Variants in KDM3B observed in about 807,000 individuals in gnomAD.
KDM3B encodes lysine-specific demethylase 3B.
A neutral mutation model predicts 170.0 loss-of-function variants in KDM3B; 10 were observed. That is an observed-to-expected ratio of 0.06 (90% CI 0.04 to 0.10). The LOEUF (loss-of-function observed/expected upper bound fraction) is 0.10. Ranked by LOEUF, KDM3B falls within the 10% of genes least tolerant of loss-of-function variation. KDM3B has a pLI of 1.00. For synonymous variants in KDM3B, 831 were observed against 834.8 expected (o/e 1.00, Z 0.08); for missense variants, 1,394 against 2,195.2 (o/e 0.64, Z 7.29).
At chr5:138,386,669 G>A (rs201801608) in intron 7 of KDM3B, 48 bp downstream of exon 7, 8 of 1,571,842 alleles carry the variant, frequency 5.1e-6, no homozygotes, top group South Asian at 2.4e-5. Flanking sequence ...TTACTCTTTC[G>A]CCCTCCTTTA....
chr5:138,386,615 G>T lies in KDM3B; in HGVS notation c.1374G>T (p.Ser458=), dbSNP rs745953070. Residue 458 remains serine, a synonymous_variant, in exon 7 of 24, where the codon TCG becomes TCT. Coordinates refer to ENST00000314358, the MANE Select transcript of KDM3B (RefSeq NM_016604.4). Reference sequence around the variant, plus strand: ...AGAAAGGCAGCCGGTCGCAGGCCTCGGGAGAGGTGAGTTACTTCAGGGGCA... The same window carrying T: ...AGAAAGGCAGCCGGTCGCAGGCCTCTGGAGAGGTGAGTTACTTCAGGGGCA... ...EKQKGSRSQA[S]GENSRNSILA... 5 of 1,608,938 alleles carry T rather than the reference G, an allele frequency of 3.1e-6. No individual in the cohort carries two copies. In the African/African-American group the frequency reaches 6.7e-5, roughly 22 times the overall value.
chr5:138,353,063 AG>A, intron 1 of KDM3B, 76 bp downstream of exon 1: 3 of 171,296 alleles, frequency 1.8e-5, no homozygotes, highest in Non-Finnish European at 2.3e-5. Flanking sequence ...GGCCTTTGTG[AG>A]GGGGCGGTGG....
In KDM3B at chr5:138,427,963, T is replaced by C; in HGVS notation, c.4634-4T>C. On this transcript the variant is annotated splice_region_variant and splice_polypyrimidine_tract_variant and intron_variant, in intron 19 of 23. Coordinates refer to ENST00000314358, the MANE Select transcript of KDM3B (RefSeq NM_016604.4). ...CACCTTGCATATTTTCCTTTCTCCT[T>C]TAGGGTTGATAACAGCAGAAGATAG... 6.2e-7 allele frequency: 1 copy of C among 1,611,348 alleles called. No individual in the cohort carries two copies. The highest frequency in any genetic ancestry group is 8.5e-7 in the Non-Finnish European group (1 of 1,178,518).
chr5:138,375,516 T>C (rs960415541), intron 3 of KDM3B, among the ~76,000 whole-genome samples: 1 of 151,966 alleles, frequency 6.6e-6, no homozygotes, highest in Non-Finnish European at 1.5e-5. Context: ...TAGCTGGGAC[T>C]ACAGGCGCCT....
rs1417992608 is a variant in KDM3B at position 138,436,095 on chromosome 5, A to T, written c.*395A>T. On this transcript the variant is annotated 3_prime_UTR_variant, in exon 24 of 24. Coordinates refer to ENST00000314358, the MANE Select transcript of KDM3B (RefSeq NM_016604.4). ...AGATAGGGGAAATCACATAACTGGTACAAGTATGGGGTAATTGCTTAAACA... is the reference window on the plus strand; with the variant it reads ...AGATAGGGGAAATCACATAACTGGTTCAAGTATGGGGTAATTGCTTAAACA... The T allele has an allele frequency of 9.1e-6, 2 of 219,192 alleles. No individual in the cohort carries two copies. Among genetic ancestry groups the T allele is most frequent in the Non-Finnish European group, 1.8e-5 (2 of 109,246 alleles). The allele number at this position is 219,192 out of a possible 1,614,324, so 13.6% of individuals were successfully genotyped here.
intron 9 of KDM3B, among the ~76,000 whole-genome samples, chr5:138,396,608 A>T (rs1291307013): frequency 6.6e-6 from 1 of 152,118 alleles, no homozygotes; most frequent in Non-Finnish European, 1.5e-5. Context: ...GTAGTAGGAG[A>T]TACTGGCCTT....
At chr5:138,415,646 C>G (rs1025709669) in intron 12 of KDM3B, among the ~76,000 whole-genome samples, 1 of 151,326 alleles carries the variant, frequency 6.6e-6, no homozygotes, top group African/African-American at 2.4e-5. Flanking sequence ...GACGGAGTCC[C>G]AATATGTTGC....
chr5:138,420,942 G>A lies in KDM3B; in HGVS notation c.3952G>A (p.Val1318Ile). ...PLDTGIPFPP[V>I]FSTSSAGVKS... ...GGACACAGGCATACCCTTTCCCCCG[G>A]TCTTCTCTACATCCTCAGCAGTAAG... The change falls in exon 15 of 24, where the codon GTC (valine) becomes ATC (isoleucine). Residue 1318 changes from valine (V) to isoleucine (I), a missense_variant. Coordinates refer to ENST00000314358, the MANE Select transcript of KDM3B (RefSeq NM_016604.4). 6.2e-7 allele frequency: 1 copy of A among 1,613,932 alleles called. No individual in the cohort carries two copies. The highest frequency in any genetic ancestry group is 8.5e-7 in the Non-Finnish European group (1 of 1,179,878).
At position 138,391,669 on chromosome 5, in the gene KDM3B, C is replaced by T; in HGVS notation, c.2037C>T (p.Ser679=). The change falls in exon 8 of 24, where the codon TCC becomes TCT. Residue 679 remains serine (S), a synonymous_variant. Coordinates refer to ENST00000314358, the MANE Select transcript of KDM3B (RefSeq NM_016604.4). The surrounding 1 kb of genome is among the most constrained non-coding windows in gnomAD (Gnocchi z 5.0). ...KVAPSWPESH[S]SADSASLAKK... ...CACCCAGCTGGCCCGAGTCTCACTC[C>T]TCTGCAGATTCGGCATCTTTAGCAA... 6.2e-7 allele frequency: 1 copy of T among 1,614,104 alleles called. No homozygotes were observed. Among genetic ancestry groups the T allele is most frequent in the Non-Finnish European group, 8.5e-7 (1 of 1,180,028 alleles).
rs997551276 is a variant in KDM3B at position 138,415,359 on chromosome 5, C to A, written c.3307+120C>A. On this transcript the variant is annotated intron_variant, in intron 12 of 23. Coordinates refer to ENST00000314358, the MANE Select transcript of KDM3B (RefSeq NM_016604.4). Reference sequence around the variant, plus strand: ...TTTTCTTTTAAGCATCATCAGATTTCTCTGAGAATTTGGATCTTTATTATT... The same window carrying A: ...TTTTCTTTTAAGCATCATCAGATTTATCTGAGAATTTGGATCTTTATTATT... 7.2e-5 allele frequency: 39 copies of A among 543,152 alleles called. 1 individual carries two copies. Among genetic ancestry groups the A allele is most frequent in the African/African-American group, 5.6e-4 (30 of 53,130 alleles). 33.6% of individuals were successfully genotyped at this position (543,152 alleles called of 1,614,324 possible).
chr5:138,420,675 C>T, intron 14 of KDM3B, 31 bp from the exon 15 acceptor site: 2 of 1,611,324 alleles, frequency 1.2e-6, no homozygotes, highest in Non-Finnish European at 8.5e-7. Flanking sequence ...CCTTTTTGTA[C>T]CTAATGCTGT....
At chr5:138,427,364 CT>C (rs1475589187) in intron 19 of KDM3B, 45 bp downstream of exon 19, 1 of 1,578,620 alleles carries the variant, frequency 6.3e-7, no homozygotes, top group Non-Finnish European at 8.7e-7. Flanking sequence ...GACTGTTGTT[CT>C]TATTTCAACT....
intron 11 of KDM3B, among the ~76,000 whole-genome samples, chr5:138,400,979 A>T (rs1408913477): frequency 5.3e-5 from 8 of 151,736 alleles, no homozygotes; most frequent in African/African-American, 1.9e-4. Context: ...GACATGTCAT[A>T]AAAATAGAAT....
rs1432769986 is a variant in KDM3B at position 138,352,786 on chromosome 5, G to A, written c.-10G>A. ...GGCGGGCGGGAGCGCGGGTCAGGCC[G>A]GCCCCGGCGATGGCGGACGCGGCGG... On this transcript the variant is annotated 5_prime_UTR_variant, in exon 1 of 24. Coordinates refer to ENST00000314358, the MANE Select transcript of KDM3B (RefSeq NM_016604.4). 26 of 1,268,320 alleles carry A rather than the reference G, an allele frequency of 2.0e-5. No homozygotes were observed. The highest frequency in any genetic ancestry group is 2.3e-5 in the Non-Finnish European group (23 of 1,008,558). 78.6% of individuals were successfully genotyped at this position (1,268,320 alleles called of 1,614,324 possible).
chr5:138,397,713 T>C (rs908875178), intron 9 of KDM3B, among the ~76,000 whole-genome samples: 1 of 151,678 alleles, frequency 6.6e-6, no homozygotes, highest in Non-Finnish European at 1.5e-5. Context: ...ATACAAAAAT[T>C]AGCTGGGCAT....
intron 22 of KDM3B, 100 bp from the exon 23 acceptor site, chr5:138,431,325 C>T: frequency 1.0e-6 from 1 of 970,232 alleles, no homozygotes; most frequent in Non-Finnish European, 1.5e-6. Context: ...AATATTATAC[C>T]TATTTCTCAA....
chr5:138,426,481 A>G (rs529551492), intron 17 of KDM3B, among the ~76,000 whole-genome samples: 26 of 151,092 alleles, frequency 1.7e-4, no homozygotes, highest in Middle Eastern at 3.5e-3. Flanking sequence ...AGGCTGAGCC[A>G]GGAGAATGGC....
rs77331590 is a variant in KDM3B at position 138,361,240 on chromosome 5, C to T, written c.192+8253C>T. 1.2e-3 allele frequency among the ~76,000 whole-genome samples: 177 copies of T among 152,260 alleles called. 1 individual carries two copies. The highest frequency in any genetic ancestry group is 4.2e-3 in the African/African-American group (175 of 41,554). On this transcript the variant is annotated intron_variant, in intron 1 of 23. Transcript: ENST00000314358. Reference sequence around the variant, plus strand: ...ATCCCTACTGCCCCTGGTGCGAAAGCATCATCTTTTGCTCTTGATCTCTAG... The same window carrying T: ...ATCCCTACTGCCCCTGGTGCGAAAGTATCATCTTTTGCTCTTGATCTCTAG...
chr5:138,408,294 G>C (rs1277887581), intron 11 of KDM3B, among the ~76,000 whole-genome samples: 4 of 151,404 alleles, frequency 2.6e-5, no homozygotes, highest in Non-Finnish European at 5.9e-5. Flanking sequence ...AACTGGTCTG[G>C]GAGTCCCCTC....
Sources: gnomAD v4.1 joint callset for allele counts (sites outside exome capture counted in the v4.1 genomes callset) on GRCh38, gnomAD v4.1.1 for gene constraint, Gnocchi (gnomAD v3.1) non-coding constraint, MANE v1.5 for transcripts, NCBI Gene and HGNC (gene_info 2026-07-23, HGNC 2026-07-21) for gene names.